GYS2: variants seen among roughly 807,000 people sequenced by gnomAD.
GYS2 encodes the protein glycogen [starch] synthase, liver.
GYS2 carries 80 observed loss-of-function variants against 85.6 expected under a neutral mutation model. That is an observed-to-expected ratio of 0.93 (90% CI 0.78 to 1.13). The LOEUF (loss-of-function observed/expected upper bound fraction) is 1.13, where lower values mean the gene tolerates loss of function less well. Among genes scored for constraint, GYS2 ranks in the 50% most tolerant of loss-of-function variants. The probability of loss-of-function intolerance (pLI) is 0.00; values close to 1 mark genes in which losing one functional copy is unlikely to be tolerated. For missense variants in GYS2, 881 were observed against 854.9 expected (o/e 1.03, Z -0.38); for synonymous variants, 328 against 300.7 (o/e 1.09, Z -0.94).
intron 11 of GYS2, among the ~76,000 whole-genome samples, chr12:21,551,977 C>A (rs764126045): frequency 6.6e-6 from 1 of 152,122 alleles, no homozygotes; most frequent in Non-Finnish European, 1.5e-5. Flanking sequence ...TTGCTCCCAG[C>A]CAAACAGAAT....
chr12:21,594,367 A>G (rs1159393031), intron 1 of GYS2, among the ~76,000 whole-genome samples: 1 of 152,162 alleles, frequency 6.6e-6, no homozygotes, highest in Non-Finnish European at 1.5e-5. Flanking sequence ...AGACTCCACC[A>G]AAGCACTCTT....
At chr12:21,556,161 C>A (rs1944176674) in intron 11 of GYS2, among the ~76,000 whole-genome samples, 1 of 151,980 alleles carries the variant, frequency 6.6e-6, no homozygotes, top group Non-Finnish European at 1.5e-5. Flanking sequence ...ACTCATTCAA[C>A]CTAGTCTTTT....
At chr12:21,568,792 G>T in intron 5 of GYS2, 73 bp downstream of exon 5, 2 of 1,352,452 alleles carry the variant, frequency 1.5e-6, no homozygotes, top group Non-Finnish European at 2.1e-6. Flanking sequence ...ACTACTTCAC[G>T]ATGGAAAACA....
intron 11 of GYS2, among the ~76,000 whole-genome samples, chr12:21,556,967 C>T (rs192611850): frequency 5.3e-5 from 8 of 151,960 alleles, no homozygotes; most frequent in Non-Finnish European, 8.8e-5. Flanking sequence ...ATGTACAATA[C>T]AACAGAAGGA....
At chr12:21,601,251 C>G (rs145158064) in intron 1 of GYS2, among the ~76,000 whole-genome samples, 1 of 151,906 alleles carries the variant, frequency 6.6e-6, no homozygotes, top group Non-Finnish European at 1.5e-5. Flanking sequence ...TAATTTCCCT[C>G]CTCTCCTCTC....
At position 21,558,238 on chromosome 12, in the gene GYS2, G is replaced by C; in HGVS notation, c.1384C>G (p.Arg462Gly). 4 of 1,613,538 alleles carry C rather than the reference G, an allele frequency of 2.5e-6. 1 individual carries two copies. Among genetic ancestry groups the C allele is most frequent in the Non-Finnish European group, 3.4e-6 (4 of 1,179,486 alleles). ...STDPILSTIR[R>G]IGLFNNRTDR... ...GTGCGGTTGTTGAAAAGTCCAATCC[G>C]TCTAATGGTGCTGAGGATGGGGTCG... Residue 462 changes from arginine to glycine, a missense_variant, in exon 11 of 16, where the codon CGG (arginine) becomes GGG (glycine). By Grantham distance (125) the Arg-to-Gly change is moderately radical (BLOSUM62 -2). Transcript: ENST00000261195.
intron 1 of GYS2, among the ~76,000 whole-genome samples, chr12:21,599,571 G>A (rs1944732734): frequency 6.6e-6 from 1 of 152,178 alleles, no homozygotes. Flanking sequence ...CCTTGAAGCT[G>A]TGCAACCAAG....
chr12:21,551,602 T>C (rs1591784300), intron 11 of GYS2, among the ~76,000 whole-genome samples: 4 of 152,036 alleles, frequency 2.6e-5, no homozygotes, highest in Admixed American at 2.6e-4. Context: ...TAATTATATC[T>C]CAGCAGATCC....
chr12:21,535,551 A>G (rs753597181), downstream of GYS2, among the ~76,000 whole-genome samples: 4 of 152,184 alleles, frequency 2.6e-5, no homozygotes, highest in Non-Finnish European at 5.9e-5. Context: ...ATTTCCAGCT[A>G]TCTTCCATTT....
rs1266840351 is a variant in GYS2 at position 21,563,344 on chromosome 12, A to T, written c.825T>A (p.Asp275Glu). 6.6e-7 allele frequency: 1 copy of T among 1,520,076 alleles called. No homozygotes were observed. Among genetic ancestry groups the T allele is most frequent in the Non-Finnish European group, 9.1e-7 (1 of 1,094,460 alleles). The allele number at this position is 1,520,076 out of a possible 1,614,324, so 94.2% of individuals were successfully genotyped here. ...CATTCAAGCCGTTTGGAGTAACTAC[A>T]TCTAGAAAGGCAAAACAAAATTATT... ...EAEHMLKRKPDVVTPNGLNVK... is the reference protein window; with the variant it reads ...EAEHMLKRKPEVVTPNGLNVK... The change falls in exon 6 of 16, where the codon GAT (aspartate) becomes GAA (glutamate). Residue 275 changes from aspartate (D) to glutamate (E), a missense_variant and splice_region_variant. Physicochemically the swap from Asp to Glu is conservative, Grantham distance 45. Coordinates refer to ENST00000261195, the MANE Select transcript of GYS2 (RefSeq NM_021957.4).
Position 21,604,580 on chromosome 12 carries a change from G to C in GYS2, c.13C>G (p.Arg5Gly), listed in dbSNP as rs775874593. The C allele has an allele frequency of 1.9e-6, 3 of 1,612,282 alleles. No individual in the cohort carries two copies. Among genetic ancestry groups the C allele is most frequent in the African/African-American group, 1.3e-5 (1 of 74,942 alleles). The change falls in exon 1 of 16, where the codon CGA becomes GGA. Residue 5 changes from arginine (R) to glycine (G), a missense_variant. By Grantham distance (125) the Arg-to-Gly change is moderately radical. Coordinates refer to ENST00000261195, the MANE Select transcript of GYS2 (RefSeq NM_021957.4). ...CCCAGGGATGTTACAGAGAGGGATC[G>C]GCCTCGAAGCATTCTTCTTACAGTC... is the stretch of plus-strand genomic sequence containing the variant. MLRG[R>G]SLSVTSLGGL... is the part of the protein sequence containing the mutation.
intron 7 of GYS2, among the ~76,000 whole-genome samples, chr12:21,560,813 TA>T (rs1944244396): frequency 6.6e-6 from 1 of 152,206 alleles, no homozygotes; most frequent in Non-Finnish European, 1.5e-5. Context: ...TAACAATTGC[TA>T]TTGATGACAC....
chr12:21,586,737 A>G (rs932213533), intron 1 of GYS2, among the ~76,000 whole-genome samples: 5 of 152,218 alleles, frequency 3.3e-5, no homozygotes, highest in Non-Finnish European at 2.9e-5. Flanking sequence ...AATGTAAATT[A>G]GTACAAACTT....
At position 21,537,064 on chromosome 12, in the gene GYS2, A is replaced by C. The variant is rs758245117; in HGVS notation, c.2002T>G (p.Tyr668Asp). The C allele has an allele frequency of 3.1e-6, 5 of 1,613,782 alleles. No individual in the cohort carries two copies. The Admixed American group carries it at 6.7e-5, about 22-fold the overall frequency. ...CTTTCAGCCTCCTCTTCCTCATCGT[A>C]TCTCTCATCCTCCACTTCATCTTCC... ...DVEDEVEDERYDEEEEAERDR... is the reference protein window; with the variant it reads ...DVEDEVEDERDDEEEEAERDR... The change falls in exon 16 of 16, where the codon TAC (tyrosine) becomes GAC (aspartate). Residue 668 changes from tyrosine to aspartate, a missense_variant. Transcript: ENST00000261195.
At chr12:21,558,152 T>C (rs969071082) in intron 11 of GYS2, 48 bp downstream of exon 11, 3 of 1,068,290 alleles carry the variant, frequency 2.8e-6, no homozygotes, top group Admixed American at 1.7e-5. Context: ...TCTCAGAAAA[T>C]ATATTTTAAG....
At chr12:21,557,034 A>C (rs1944188492) in intron 11 of GYS2, among the ~76,000 whole-genome samples, 1 of 152,244 alleles carries the variant, frequency 6.6e-6, no homozygotes, top group Admixed American at 6.5e-5. Flanking sequence ...GAATAGTTGT[A>C]AGAACCTGAA....
intron 1 of GYS2, among the ~76,000 whole-genome samples, chr12:21,597,561 A>G (rs10770841): frequency 0.92 from 140,670 of 152,106 alleles, 65,704 homozygotes; most frequent in East Asian, 1. Context: ...CATGCTGGCA[A>G]GGATGTGAAG....
chr12:21,572,687 A>G (rs1268011474), intron 4 of GYS2, among the ~76,000 whole-genome samples: 1 of 152,248 alleles, frequency 6.6e-6, no homozygotes, highest in African/African-American at 2.4e-5. Context: ...ATCTAAAGAC[A>G]GTATGAAAAA....
At chr12:21,557,919 T>C (rs7953778) in intron 11 of GYS2, among the ~76,000 whole-genome samples, 109,812 of 151,616 alleles carry the variant, frequency 0.72, 40,306 homozygotes, top group South Asian at 0.79. Context: ...AAAAAAGAAA[T>C]AAAAAAGTAA....
Sources: allele counts gnomAD v4.1 joint callset (sites outside exome capture counted in the v4.1 genomes callset), GRCh38; gene constraint gnomAD v4.1.1; transcripts MANE v1.5; gene names NCBI Gene and HGNC (gene_info 2026-07-23, HGNC 2026-07-21).